SMCR8: variants seen among roughly 807,000 people sequenced by gnomAD.
The protein encoded by SMCR8 is guanine nucleotide exchange protein SMCR8.
In SMCR8, 30 loss-of-function variants were observed where a neutral mutation model predicts 56.6. That is an observed-to-expected ratio of 0.53 (90% CI 0.40 to 0.72). The LOEUF is 0.72. Among genes scored for constraint, SMCR8 ranks in the 30% least tolerant of loss-of-function variants. SMCR8 has a pLI of 0.00. For synonymous variants in SMCR8, 538 were observed against 456.0 expected, an observed-to-expected ratio of 1.18 and a Z score of -2.29; for missense variants, 1,198 against 1,157.0, an observed-to-expected ratio of 1.04 and a Z score of -0.51.
Position 18,327,236 on chromosome 17 carries a change from A to G in SMCR8, c.*4166A>G, listed in dbSNP as rs1982688110. ...CATTAAGGTTTGGTTAAAGCAGTGG[A>G]AAGGAGGAGGAGGCAGGGGTGGATG... On this transcript the variant is annotated 3_prime_UTR_variant, in exon 2 of 2. Transcript: ENST00000406438. 6.6e-6 allele frequency: 1 copy of G among 151,824 alleles called. No individual in the cohort carries two copies. Among genetic ancestry groups the G allele is most frequent in the Admixed American group, 6.6e-5 (1 of 15,246 alleles). 9.4% of individuals were successfully genotyped at this position (151,824 alleles called of 1,614,324 possible).
At chr17:18,322,022 T>C (rs1371010501) in intron 1 of SMCR8, among the ~76,000 whole-genome samples, 2 of 152,170 alleles carry the variant, frequency 1.3e-5, no homozygotes, top group Non-Finnish European at 2.9e-5. Flanking sequence ...TTGTTTGTTT[T>C]GTTTTTTAAG....
In SMCR8 at chr17:18,324,042, A is replaced by G. The variant is rs1238008986; in HGVS notation, c.*972A>G. On this transcript the variant is annotated 3_prime_UTR_variant, in exon 2 of 2. Coordinates refer to ENST00000406438, the MANE Select transcript of SMCR8 (RefSeq NM_144775.3). Reference sequence around the variant, plus strand: ...CCCGTGTGAACATGGCAGAGGCCACACTCCAGCTCCCACCCACATAAACCT... The same window carrying G: ...CCCGTGTGAACATGGCAGAGGCCACGCTCCAGCTCCCACCCACATAAACCT... 6.6e-6 allele frequency: 1 copy of G among 152,220 alleles called. No homozygotes were observed. The highest frequency in any genetic ancestry group is 2.4e-5 in the African/African-American group (1 of 41,420). 9.4% of individuals were successfully genotyped at this position (152,220 alleles called of 1,614,324 possible). A position where few individuals can be genotyped will look rare whatever the true frequency, so the allele number is the denominator to read the frequency against.
rs1982370545 is a variant in SMCR8, at chr17:18,317,738, A to C, written c.1949A>C (p.Tyr650Ser). The change falls in exon 1 of 2, where the codon TAT becomes TCT. Residue 650 changes from tyrosine (Y) to serine (S), a missense_variant. By Grantham distance (144) the Tyr-to-Ser change is moderately radical (BLOSUM62 -2). Transcript: ENST00000406438. ...RDNSCEGFPA[Y>S]ELDPSHLLAS... ...AACAGTTGTGAAGGGTTTCCCGCTT[A>C]TGAGCTGGACCCGAGCCACCTGCTG... 1 of 1,614,008 alleles carries C rather than the reference A, an allele frequency of 6.2e-7. No homozygotes were observed. Among genetic ancestry groups the C allele is most frequent in the South Asian group, 1.1e-5 (1 of 91,088 alleles).
At position 18,317,427 on chromosome 17, in the gene SMCR8, A is replaced by G; in HGVS notation, c.1638A>G (p.Ser546=). 1 of 1,614,072 alleles carries G rather than the reference A, an allele frequency of 6.2e-7. No individual in the cohort carries two copies. The highest frequency in any genetic ancestry group is 8.5e-7 in the Non-Finnish European group (1 of 1,180,012). The change falls in exon 1 of 2, where the codon TCA becomes TCG. Residue 546 remains serine, a synonymous_variant. Transcript: ENST00000406438. ...SYPSAINEEE[S]YPDGNEGAIR... Reference sequence around the variant, plus strand: ...CAAGTGCCATTAATGAAGAAGAATCATATCCAGATGGCAATGAAGGAGCCA... The same window carrying G: ...CAAGTGCCATTAATGAAGAAGAATCGTATCCAGATGGCAATGAAGGAGCCA...
Position 18,316,861 on chromosome 17 carries a change from G to T in SMCR8, c.1072G>T (p.Asp358Tyr), listed in dbSNP as rs765799467. Residue 358 changes from aspartate to tyrosine, a missense_variant, in exon 1 of 2, where the codon GAT (aspartate) becomes TAT (tyrosine). Coordinates refer to ENST00000406438, the MANE Select transcript of SMCR8 (RefSeq NM_144775.3). ...GTGTTACCTCCTGACCAGTCAGATT[G>T]ATAGAGCACTTCTAAAACAACAGCA... ...DLCYLLTSQI[D>Y]RALLKQQHIT... 3 of 1,614,104 alleles carry T rather than the reference G, an allele frequency of 1.9e-6. No individual in the cohort carries two copies. In the African/African-American group the frequency reaches 4.0e-5, roughly 22 times the overall value.
intron 1 of SMCR8, among the ~76,000 whole-genome samples, chr17:18,319,099 C>T (rs764541028): frequency 6.6e-6 from 1 of 152,164 alleles, no homozygotes; most frequent in African/African-American, 2.4e-5. Context: ...TAGACGCCAC[C>T]TGAGGGTATG....
rs1299730243 is a variant in SMCR8 at position 18,325,178 on chromosome 17, C to G, written c.*2108C>G. 1 of 152,270 alleles carries G rather than the reference C, an allele frequency of 6.6e-6. No homozygotes were observed. Among genetic ancestry groups the G allele is most frequent in the African/African-American group, 2.4e-5 (1 of 41,456 alleles). 9.4% of individuals were successfully genotyped at this position (152,270 alleles called of 1,614,324 possible). A position where few individuals can be genotyped will look rare whatever the true frequency, so the allele number is the denominator to read the frequency against. The stretch of plus-strand genomic sequence containing the variant: ...CTGTGGCATTCCTGTCACACCAACA[C>G]AGAAATTCACAGCTCATACTGTTCT... On this transcript the variant is annotated 3_prime_UTR_variant, in exon 2 of 2. Transcript: ENST00000406438.
chr17:18,318,797 A>G (rs933741947), intron 1 of SMCR8, among the ~76,000 whole-genome samples: 13 of 152,222 alleles, frequency 8.5e-5, no homozygotes, highest in African/African-American at 2.4e-4. Context: ...ATCTGTCGCC[A>G]TTGCCAGCCC....
Position 18,315,510 on chromosome 17 carries a change from C to A in SMCR8, c.-280C>A. The stretch of plus-strand genomic sequence containing the variant: ...GTGATTTCGCAGCAGGTTTCTTGTG[C>A]TGGCCGCGCTCGCCGGACGAAGAAG... On this transcript the variant is annotated 5_prime_UTR_variant, in exon 1 of 2. The change creates a new upstream start codon in the 5' untranslated region. Transcript: ENST00000406438. The A allele has an allele frequency of 2.5e-6, 1 of 393,194 alleles. No homozygotes were observed. Among genetic ancestry groups the A allele is most frequent in the Non-Finnish European group, 4.6e-6 (1 of 218,366 alleles). The allele number at this position is 393,194 out of a possible 1,614,324, so 24.4% of individuals were successfully genotyped here. A position where few individuals can be genotyped will look rare whatever the true frequency, so the allele number is the denominator to read the frequency against.
chr17:18,319,577 G>A (rs948915249), intron 1 of SMCR8, among the ~76,000 whole-genome samples: 3 of 152,126 alleles, frequency 2.0e-5, no homozygotes, highest in Admixed American at 6.5e-5. Context: ...TCTCACCTCC[G>A]AACACCAGTC....
Position 18,316,628 on chromosome 17 carries a change from A to G in SMCR8, c.839A>G (p.Gln280Arg), listed in dbSNP as rs1234393824. The G allele has an allele frequency of 6.2e-7, 1 of 1,614,198 alleles. No homozygotes were observed. Among genetic ancestry groups the G allele is most frequent in the Admixed American group, 1.7e-5 (1 of 60,024 alleles). Residue 280 changes from glutamine (Q) to arginine (R), a missense_variant, in exon 1 of 2, where the codon CAG (glutamine) becomes CGG (arginine). Physicochemically the swap from Gln to Arg is conservative, Grantham distance 43. Coordinates refer to ENST00000406438, the MANE Select transcript of SMCR8 (RefSeq NM_144775.3). ...GAGCACATCCAGGATCAGGCCAGCC[A>G]GGCATCCACTACCTCTAACCCTGAT... ...EMEHIQDQAS[Q>R]ASTTSNPDES...
rs1330868235 is a variant in SMCR8, at chr17:18,317,229, C to T, written c.1440C>T (p.Ser480=). The stretch of plus-strand genomic sequence containing the variant: ...TTGAAGTTTTGGGCACGGAGAAATC[C>T]ACCTCCGTGCTTTCTAAATCTGACA... ...ESIEVLGTEK[S]TSVLSKSDSQ... is the part of the protein sequence containing the mutation. The change falls in exon 1 of 2, where the codon TCC becomes TCT. Residue 480 remains serine (S), a synonymous_variant. Coordinates refer to ENST00000406438, the MANE Select transcript of SMCR8 (RefSeq NM_144775.3). 6.2e-7 allele frequency: 1 copy of T among 1,614,082 alleles called. No homozygotes were observed. Among genetic ancestry groups the T allele is most frequent in the African/African-American group, 1.3e-5 (1 of 75,002 alleles).
At chr17:18,318,826 T>G (rs1415718869) in intron 1 of SMCR8, among the ~76,000 whole-genome samples, 1 of 152,188 alleles carries the variant, frequency 6.6e-6, no homozygotes, top group Non-Finnish European at 1.5e-5. Flanking sequence ...GGAGCATCTC[T>G]CTATAAAAGC....
intron 1 of SMCR8, among the ~76,000 whole-genome samples, chr17:18,318,721 A>G (rs971389569): frequency 2.0e-5 from 3 of 152,158 alleles, no homozygotes; most frequent in East Asian, 1.9e-4. Context: ...TTTTAAAATC[A>G]TGGATTCCTG....
chr17:18,322,636 G>GCCGGTA lies in SMCR8; in HGVS notation c.2383_2388dup (p.Gly795_Thr796dup). On this transcript the variant is annotated inframe_insertion, in exon 2 of 2. Transcript: ENST00000406438. Reference sequence around the variant, plus strand: ...TTTCAGAGTGGCCTCCCCTGCCGGTGCCGGTACCCTCCATGCCCTGAGCCG... The same window carrying GCCGGTA: ...TTTCAGAGTGGCCTCCCCTGCCGGTGCCGGTACCGGTACCCTCCATGCCCTGAGCCG... 2 of 1,613,746 alleles carry GCCGGTA rather than the reference G, an allele frequency of 1.2e-6. No homozygotes were observed. The highest frequency in any genetic ancestry group is 1.1e-5 in the South Asian group (1 of 91,080).
At chr17:18,318,310 TTGTC>T (rs1210615903) in intron 1 of SMCR8, among the ~76,000 whole-genome samples, 161 bp downstream of exon 1, 1 of 152,188 alleles carries the variant, frequency 6.6e-6, no homozygotes, top group African/African-American at 2.4e-5. Flanking sequence ...TTCTATTTCC[TTGTC>T]TGTCATGTGA....
chr17:18,317,750 C>A lies in SMCR8; in HGVS notation c.1961C>A (p.Pro654Gln). The A allele has an allele frequency of 6.2e-7, 1 of 1,614,150 alleles. No individual in the cohort carries two copies. The highest frequency in any genetic ancestry group is 1.7e-5 in the Admixed American group (1 of 60,006). ...CEGFPAYELD[P>Q]SHLLASRDIS... ...GGGTTTCCCGCTTATGAGCTGGACC[C>A]GAGCCACCTGCTGGCTAGCCGGGAC... The change falls in exon 1 of 2, where the codon CCG becomes CAG. Residue 654 changes from proline to glutamine, a missense_variant. By Grantham distance (76) the Pro-to-Gln change is moderately conservative. Transcript: ENST00000406438.
Position 18,317,950 on chromosome 17 carries a change from C to T in SMCR8, c.2161C>T (p.His721Tyr). Residue 721 changes from histidine (H) to tyrosine (Y), a missense_variant, in exon 1 of 2, where the codon CAC becomes TAC. Physicochemically the swap from His to Tyr is moderately conservative, Grantham distance 83 (BLOSUM62 2). Coordinates refer to ENST00000406438, the MANE Select transcript of SMCR8 (RefSeq NM_144775.3). ...LKFIRQYPFA[H>Y]PAIYSLLSGR... is the part of the protein sequence containing the mutation. ...ATTCATCCGCCAGTACCCCTTTGCC[C>T]ACCCAGCCATCTACTCCCTGCTCAG... The T allele has an allele frequency of 6.2e-7, 1 of 1,614,226 alleles. No individual in the cohort carries two copies. The highest frequency in any genetic ancestry group is 8.5e-7 in the Non-Finnish European group (1 of 1,180,046).
rs559391396 is a variant in SMCR8 at position 18,326,873 on chromosome 17, T to G, written c.*3803T>G. ...TGTCTGCACAGCCAGTAGGATTGCC[T>G]CAGCCAGGGGGTTTATCAGAAGGTG... On this transcript the variant is annotated 3_prime_UTR_variant, in exon 2 of 2. Coordinates refer to ENST00000406438, the MANE Select transcript of SMCR8 (RefSeq NM_144775.3). 6.5e-6 allele frequency: 1 copy of G among 152,724 alleles called. No homozygotes were observed. The highest frequency in any genetic ancestry group is 1.9e-4 in the East Asian group (1 of 5,180). The allele number at this position is 152,724 out of a possible 1,614,324, so 9.5% of individuals were successfully genotyped here. A position where few individuals can be genotyped will look rare whatever the true frequency, so the allele number is the denominator to read the frequency against.
Sources: gnomAD v4.1 joint callset for allele counts (sites outside exome capture counted in the v4.1 genomes callset) on GRCh38, gnomAD v4.1.1 for gene constraint, MANE v1.5 for transcripts, NCBI Gene and HGNC (gene_info 2026-07-23, HGNC 2026-07-21) for gene names.